Variants in UBTD1 observed in about 807,000 individuals in gnomAD.
The protein encoded by UBTD1 is ubiquitin domain containing 1.
UBTD1 carries 19 observed loss-of-function variants against 21.7 expected under a neutral mutation model. The observed-to-expected ratio is 0.87, with a 90% CI of 0.61 to 1.28. The LOEUF (loss-of-function observed/expected upper bound fraction) is 1.28. Ranked by LOEUF, UBTD1 falls within the 50% of genes most tolerant of loss-of-function variation. The probability of loss-of-function intolerance (pLI) is 0.00; values close to 1 mark genes in which losing one functional copy is unlikely to be tolerated. For missense variants in UBTD1, 282 were observed against 315.1 expected (o/e 0.89, Z 0.80); for synonymous variants, 116 against 135.1 (o/e 0.86, Z 0.98).
intron 1 of UBTD1, among the ~76,000 whole-genome samples, chr10:97,559,778 G>A (rs190360825): frequency 1.4e-4 from 21 of 152,192 alleles, no homozygotes; most frequent in African/African-American, 4.6e-4. Context: ...CCAGTTCACC[G>A]AAAAACTGGA....
intron 1 of UBTD1, among the ~76,000 whole-genome samples, chr10:97,517,802 A>G (rs1278850464): frequency 1.3e-5 from 2 of 152,126 alleles, no homozygotes; most frequent in East Asian, 1.9e-4. Flanking sequence ...CTGAGGGTCT[A>G]GGAATGACCA....
chr10:97,529,519 C>T (rs1589873657), intron 1 of UBTD1, among the ~76,000 whole-genome samples: 1 of 152,128 alleles, frequency 6.6e-6, no homozygotes, highest in Admixed American at 6.5e-5. Flanking sequence ...CCCGGCACCT[C>T]GGGAGGCCGA....
At chr10:97,502,896 T>TAG in intron 1 of UBTD1, among the ~76,000 whole-genome samples, 1 of 143,358 alleles carries the variant, frequency 7.0e-6, no homozygotes, top group Non-Finnish European at 1.5e-5. Context: ...CGTATATATA[T>TAG]GTGTGTATAT....
intron 1 of UBTD1, among the ~76,000 whole-genome samples, chr10:97,531,717 C>T (rs957051231): frequency 6.6e-6 from 1 of 152,184 alleles, no homozygotes; most frequent in East Asian, 1.9e-4. Flanking sequence ...CCCTCTGGCC[C>T]TTTCTGAGCA....
At chr10:97,545,056 C>G (rs955198868) in intron 1 of UBTD1, among the ~76,000 whole-genome samples, 5 of 151,740 alleles carry the variant, frequency 3.3e-5, no homozygotes, top group Admixed American at 3.3e-4. Context: ...ACTCTCCGGC[C>G]AAGCATGGTG....
intron 1 of UBTD1, among the ~76,000 whole-genome samples, chr10:97,540,091 G>A (rs1486224970): frequency 2.6e-5 from 4 of 152,322 alleles, no homozygotes; most frequent in East Asian, 1.9e-4. Context: ...TGGGGTCATC[G>A]CCTCTCCTCC....
In UBTD1 at chr10:97,499,162, C is replaced by T. The variant is rs932892889; in HGVS notation, c.-42C>T. The T allele has an allele frequency of 1.3e-5, 19 of 1,506,700 alleles. No homozygotes were observed. Among genetic ancestry groups the T allele is most frequent in the Non-Finnish European group, 1.5e-5 (17 of 1,123,786 alleles). 93.3% of individuals were successfully genotyped at this position (1,506,700 alleles called of 1,614,324 possible). The stretch of plus-strand genomic sequence containing the variant: ...CCGCCGTCCGCTGAGCAGCCGACCA[C>T]CCCGCCGCCTCCGGTGCATGGGGAC... On this transcript the variant is annotated 5_prime_UTR_variant, in exon 1 of 3. Transcript: ENST00000370664.
chr10:97,519,851 A>G (rs766364413), intron 1 of UBTD1, among the ~76,000 whole-genome samples: 12 of 152,048 alleles, frequency 7.9e-5, no homozygotes, highest in Non-Finnish European at 1.3e-4. Flanking sequence ...AAGAGACTGT[A>G]TGTGTCCTGT....
At chr10:97,525,306 C>T (rs948665881) in intron 1 of UBTD1, among the ~76,000 whole-genome samples, 3 of 152,228 alleles carry the variant, frequency 2.0e-5, no homozygotes, top group East Asian at 1.9e-4. Flanking sequence ...TGCTGGGCAC[C>T]GCAGATAGAG....
At chr10:97,540,035 T>G (rs2040580609) in intron 1 of UBTD1, among the ~76,000 whole-genome samples, 1 of 152,112 alleles carries the variant, frequency 6.6e-6, no homozygotes, top group Non-Finnish European at 1.5e-5. Flanking sequence ...ACCTCCCATC[T>G]GGAACCTTCT....
At chr10:97,535,585 A>G (rs1166308661) in intron 1 of UBTD1, among the ~76,000 whole-genome samples, 1 of 152,212 alleles carries the variant, frequency 6.6e-6, no homozygotes, top group Non-Finnish European at 1.5e-5. Flanking sequence ...ACTGCACTCC[A>G]GCCTGGGCAA....
intron 1 of UBTD1, among the ~76,000 whole-genome samples, chr10:97,549,407 C>G (rs2040626009): frequency 6.6e-6 from 1 of 152,238 alleles, no homozygotes; most frequent in African/African-American, 2.4e-5. Flanking sequence ...GCTCCTCCTT[C>G]TTTTCCTAAA....
rs2040535421 is a variant in UBTD1, at chr10:97,532,239, G to T, written c.70+32966G>T. 3.3e-5 allele frequency among the ~76,000 whole-genome samples: 5 copies of T among 152,356 alleles called. No homozygotes were observed. In the South Asian group the frequency reaches 1.0e-3, roughly 32 times the overall value. On this transcript the variant is annotated intron_variant, in intron 1 of 2. Coordinates refer to ENST00000370664, the MANE Select transcript of UBTD1 (RefSeq NM_024954.5). ...AACCAAGCAGTTGGAGTTGTCTGCAGGGAGATTTGTAAGTTCACTTGTTTG... is the reference window on the plus strand; with the variant it reads ...AACCAAGCAGTTGGAGTTGTCTGCATGGAGATTTGTAAGTTCACTTGTTTG...
chr10:97,570,944 C>G lies in UBTD1; in HGVS notation c.*421C>G, dbSNP rs1211432587. The G allele has an allele frequency of 5.9e-6, 1 of 170,540 alleles. No homozygotes were observed. Among genetic ancestry groups the G allele is most frequent in the African/African-American group, 2.4e-5 (1 of 42,132 alleles). The allele number at this position is 170,540 out of a possible 1,614,324, so 10.6% of individuals were successfully genotyped here. On this transcript the variant is annotated 3_prime_UTR_variant, in exon 3 of 3. Transcript: ENST00000370664. This position sits in a 1 kb window ranked among gnomAD's most constrained non-coding sequence, Gnocchi z 6.6. ...GCTCTCCCCTGGGCACAGTGCCACT[C>G]CCTTGGAAGGGAGGGAACCACCCGT...
chr10:97,564,143 G>T (rs1426779619), intron 1 of UBTD1, among the ~76,000 whole-genome samples: 1 of 152,086 alleles, frequency 6.6e-6, no homozygotes, highest in African/African-American at 2.4e-5. Flanking sequence ...GTCCAGCTAG[G>T]GTGTCTTCAT....
intron 2 of UBTD1, among the ~76,000 whole-genome samples, chr10:97,569,103 G>A (rs1028289034): frequency 1.3e-5 from 2 of 152,248 alleles, no homozygotes; most frequent in Admixed American, 6.5e-5. Context: ...GATTACAGGC[G>A]TGAGCCACTG....
At chr10:97,499,378 G>C (rs2135643655) in intron 1 of UBTD1, 105 bp downstream of exon 1, 2 of 1,356,216 alleles carry the variant, frequency 1.5e-6, no homozygotes, top group South Asian at 1.5e-5. Context: ...GCTGGCGCTT[G>C]GGTTTCCCCG....
At chr10:97,522,981 C>T (rs1046588106) in intron 1 of UBTD1, among the ~76,000 whole-genome samples, 1 of 152,184 alleles carries the variant, frequency 6.6e-6, no homozygotes, top group African/African-American at 2.4e-5. Flanking sequence ...TCTGTTGAGG[C>T]ATCCCTGAGC....
At chr10:97,550,311 G>A (rs1190391524) in intron 1 of UBTD1, among the ~76,000 whole-genome samples, 1 of 152,226 alleles carries the variant, frequency 6.6e-6, no homozygotes, top group African/African-American at 2.4e-5. Flanking sequence ...AAATAGGGCT[G>A]TTTCCTGGCT....
Sources: gnomAD v4.1 joint callset for allele counts (sites outside exome capture counted in the v4.1 genomes callset) on GRCh38, gnomAD v4.1.1 for gene constraint, Gnocchi (gnomAD v3.1) non-coding constraint, MANE v1.5 for transcripts, NCBI Gene and HGNC (gene_info 2026-07-23, HGNC 2026-07-21) for gene names.